CARS2: variants seen among roughly 807,000 people sequenced by gnomAD.
CARS2 encodes probable cysteine--tRNA ligase, mitochondrial.
A neutral mutation model predicts 68.8 loss-of-function variants in CARS2; 52 were observed. That is an observed-to-expected ratio of 0.76 (90% CI 0.61 to 0.95). CARS2 has a LOEUF of 0.95. Among genes scored for constraint, CARS2 ranks in the 40% least tolerant of loss-of-function variants. CARS2 has a pLI of 0.00. For missense variants in CARS2, 780 were observed against 754.2 expected (o/e 1.03, Z -0.40); for synonymous variants, 314 against 303.6 (o/e 1.03, Z -0.36).
intron 8 of CARS2, 181 bp from the exon 9 acceptor site, chr13:110,663,699 C>A: frequency 1.4e-6 from 2 of 1,387,766 alleles, no homozygotes; most frequent in Non-Finnish European, 1.9e-6. Flanking sequence ...GAAGACAGGA[C>A]CTGCCCTTGT....
chr13:110,648,187 A>G (rs1264154875), intron 10 of CARS2: 1 of 152,198 alleles, frequency 6.6e-6, no homozygotes, highest in East Asian at 1.9e-4. Flanking sequence ...ATTCACTTTC[A>G]GTTTTTGCTT....
At chr13:110,655,132 C>G (rs2062333431) in intron 9 of CARS2, among the ~76,000 whole-genome samples, 1 of 152,082 alleles carries the variant, frequency 6.6e-6, no homozygotes, top group Non-Finnish European at 1.5e-5. Flanking sequence ...ATGTGCGATT[C>G]TACCTCAAGG....
chr13:110,652,647 C>G (rs1445504314), intron 9 of CARS2, among the ~76,000 whole-genome samples: 3 of 152,182 alleles, frequency 2.0e-5, no homozygotes, highest in Admixed American at 2.0e-4. Flanking sequence ...GCCCCCACCC[C>G]ACAGCCCAAC....
intron 3 of CARS2, 98 bp downstream of exon 3, chr13:110,701,340 A>T: frequency 1.5e-6 from 1 of 675,980 alleles, no homozygotes; most frequent in Admixed American, 2.2e-5. Context: ...CTGGGATTAC[A>T]GGCGTAAGCT....
chr13:110,646,182 G>A, intron 11 of CARS2, 92 bp from the exon 12 acceptor site: 1 of 1,445,442 alleles, frequency 6.9e-7, no homozygotes. Context: ...AGAGACGCTG[G>A]GGGCTCTAAT....
At chr13:110,642,182 G>C (rs149599556) in intron 14 of CARS2, 133 bp downstream of exon 14, 21 of 710,258 alleles carry the variant, frequency 3.0e-5, no homozygotes, top group Middle Eastern at 8.0e-4. Flanking sequence ...ACTCCAGCCT[G>C]GGTGACAAGA....
intron 5 of CARS2, among the ~76,000 whole-genome samples, chr13:110,683,897 G>C (rs2063223857): frequency 6.6e-6 from 1 of 152,210 alleles, no homozygotes; most frequent in South Asian, 2.1e-4. Context: ...TGAAGTGTCT[G>C]TGAGGCTGAG....
At chr13:110,644,312 T>G in intron 13 of CARS2, 73 bp downstream of exon 13, 1 of 1,466,158 alleles carries the variant, frequency 6.8e-7, no homozygotes, top group Non-Finnish European at 9.5e-7. Context: ...CTATTCCAAG[T>G]TAAAAGGGTA....
chr13:110,690,720 T>A, intron 3 of CARS2, among the ~76,000 whole-genome samples: 1 of 152,202 alleles, frequency 6.6e-6, no homozygotes, highest in East Asian at 1.9e-4. Flanking sequence ...CACAGGCTCA[T>A]GGACTTGGCC....
chr13:110,659,566 GACC>G (rs372506383), intron 9 of CARS2, among the ~76,000 whole-genome samples: 3 of 151,852 alleles, frequency 2.0e-5, no homozygotes, highest in African/African-American at 7.2e-5. Context: ...GTTGGTTCCA[GACC>G]ACCACAATAA....
rs2064057047 is a variant in CARS2 at position 110,713,167 on chromosome 13, G to C, written n.369C>G. 7.7e-6 allele frequency: 11 copies of C among 1,428,928 alleles called. No individual in the cohort carries two copies. In the East Asian group the frequency reaches 2.8e-4, roughly 36 times the overall value. 88.5% of individuals were successfully genotyped at this position (1,428,928 alleles called of 1,614,324 possible). A position where few individuals can be genotyped will look rare whatever the true frequency, so the allele number is the denominator to read the frequency against. On this transcript the variant is annotated non_coding_transcript_exon_variant, in exon 1 of 3. Coordinates refer to the CARS2 transcript ENST00000485188. ...CCCCGCCTCCTCTTCATCGTGATTGGGCTGTCAAAGTGATGTTGGCAAGTA... is the reference window on the plus strand; with the variant it reads ...CCCCGCCTCCTCTTCATCGTGATTGCGCTGTCAAAGTGATGTTGGCAAGTA...
At chr13:110,692,692 G>C (rs552102573) in intron 3 of CARS2, among the ~76,000 whole-genome samples, 1 of 151,574 alleles carries the variant, frequency 6.6e-6, no homozygotes, top group Admixed American at 6.6e-5. Flanking sequence ...GCATATACCT[G>C]TAGTCCCAAC....
At chr13:110,702,182 C>T (rs2063805832) in intron 2 of CARS2, among the ~76,000 whole-genome samples, 3 of 152,198 alleles carry the variant, frequency 2.0e-5, no homozygotes, top group Admixed American at 2.0e-4. Context: ...CTCACCTCTG[C>T]TATCCATGTG....
At chr13:110,709,198 G>A (rs941767827), upstream of CARS2, among the ~76,000 whole-genome samples, 1 of 151,228 alleles carries the variant, frequency 6.6e-6, no homozygotes, top group Admixed American at 6.6e-5. Context: ...CCGGGTTCAA[G>A]CAATTCTCCT....
Position 110,713,439 on chromosome 13 carries a change from T to C in CARS2, n.97A>G, listed in dbSNP as rs113583435. ...TCTGCCTCCAAGTGCCAAAAACTCC[T>C]AGTAAAGTTTGCGCCTCGCCCGCCG... On this transcript the variant is annotated non_coding_transcript_exon_variant, in exon 1 of 3. Coordinates refer to the CARS2 transcript ENST00000485188. 1.3e-3 allele frequency: 1,302 copies of C among 995,830 alleles called. 10 individuals carry two copies. In the African/African-American group the frequency reaches 0.021, roughly 16 times the overall value. 61.7% of individuals were successfully genotyped at this position (995,830 alleles called of 1,614,324 possible). A position where few individuals can be genotyped will look rare whatever the true frequency, so the allele number is the denominator to read the frequency against.
rs142070578 is a variant in CARS2, at chr13:110,647,166, G to A, written c.1128C>T (p.Asp376=). The change falls in exon 11 of 15, where the codon GAC becomes GAT. Residue 376 remains aspartate, a synonymous_variant. Coordinates refer to ENST00000257347, the MANE Select transcript of CARS2 (RefSeq NM_024537.4). ...LLLGLGSFLE[D]ARAYMKGQLA... The stretch of plus-strand genomic sequence containing the variant: ...GCTGCCCCTTCATGTAGGCACGTGC[G>A]TCCTCCAGGAAAGAGCCCAGCCCCA... The A allele has an allele frequency of 3.0e-3, 4,890 of 1,612,396 alleles. 8 individuals are homozygous for A. Among genetic ancestry groups the A allele is most frequent in the Non-Finnish European group, 3.5e-3 (4,181 of 1,179,634 alleles).
Position 110,651,076 on chromosome 13 carries a change from C to T in CARS2, c.1012G>A (p.Asp338Asn), listed in dbSNP as rs577161897. The part of the protein sequence containing the change: ...IKDFLKTFSP[D>N]VFRFFCLRSS... ...CGCAGGCAGAAGAACCGGAAGACAT[C>T]GGGGGAAAAGGTCTTCAGAAAGTCC... is the stretch of plus-strand genomic sequence containing the variant. Residue 338 changes from aspartate (D) to asparagine (N), a missense_variant, in exon 10 of 15, where the codon GAT becomes AAT. Coordinates refer to ENST00000257347, the MANE Select transcript of CARS2 (RefSeq NM_024537.4). The T allele has an allele frequency of 1.2e-5, 19 of 1,613,418 alleles. No homozygotes were observed. Among genetic ancestry groups the T allele is most frequent in the South Asian group, 5.5e-5 (5 of 91,062 alleles).
intron 11 of CARS2, 113 bp from the exon 12 acceptor site, chr13:110,646,203 T>C (rs1295303355): frequency 6.4e-6 from 8 of 1,255,976 alleles, no homozygotes; most frequent in African/African-American, 1.5e-5. Flanking sequence ...CTGGGGACTT[T>C]CTCTAGGTCA....
At chr13:110,684,273 T>G (rs2063234816) in intron 5 of CARS2, among the ~76,000 whole-genome samples, 1 of 152,156 alleles carries the variant, frequency 6.6e-6, no homozygotes, top group Non-Finnish European at 1.5e-5. Context: ...TTTACAAAGT[T>G]TGAGTCTTCA....
Sources: gnomAD v4.1 joint callset for allele counts (sites outside exome capture counted in the v4.1 genomes callset) on GRCh38, gnomAD v4.1.1 for gene constraint, MANE v1.5 for transcripts, NCBI Gene and HGNC (gene_info 2026-07-23, HGNC 2026-07-21) for gene names.